Variants in DGKB observed in about 807,000 individuals in gnomAD.
DGKB encodes 90 kDa diacylglycerol kinase.
DGKB carries 67 observed loss-of-function variants against 114.3 expected under a neutral mutation model. That is an observed-to-expected ratio of 0.59 (90% CI 0.48 to 0.72). DGKB has a LOEUF of 0.72. DGKB is among the 30% of genes least tolerant of loss of function. DGKB has a pLI of 0.00. For missense variants in DGKB, 907 were observed against 975.2 expected, an observed-to-expected ratio of 0.93 and a Z score of 0.93; for synonymous variants, 398 against 323.1, an observed-to-expected ratio of 1.23 and a Z score of -2.49.
intron 21 of DGKB, among the ~76,000 whole-genome samples, chr7:14,355,551 G>A (rs796676829): frequency 2.0e-4 from 30 of 152,176 alleles, no homozygotes; most frequent in Admixed American, 4.6e-4. Context: ...GGTTTTTGTC[G>A]TTGGTTCTGT....
intron 19 of DGKB, among the ~76,000 whole-genome samples, chr7:14,580,566 G>A (rs990667397): frequency 3.9e-5 from 6 of 152,064 alleles, no homozygotes; most frequent in Admixed American, 3.9e-4. Flanking sequence ...GCATCCATGT[G>A]TACCTTATTT....
chr7:14,274,238 G>T (rs577782756), intron 23 of DGKB, among the ~76,000 whole-genome samples: 2 of 152,306 alleles, frequency 1.3e-5, no homozygotes, highest in African/African-American at 4.8e-5. Context: ...CTGTACTCAG[G>T]AGATTCCTTG....
At chr7:14,588,253 T>C (rs1801111500) in intron 17 of DGKB, among the ~76,000 whole-genome samples, 2 of 152,142 alleles carry the variant, frequency 1.3e-5, no homozygotes, top group South Asian at 4.1e-4. Context: ...TCTTTGATTT[T>C]AGTCCTTTTT....
At chr7:14,343,157 CCACACACACACACACACA>C (rs3067654) in intron 22 of DGKB, among the ~76,000 whole-genome samples, 13 of 132,850 alleles carry the variant, frequency 9.8e-5, no homozygotes, top group African/African-American at 3.5e-4. Flanking sequence ...GCCTAGCTAT[CCACACACACACACACACA>C]CACACACACA....
chr7:14,636,805 T>C (rs1297509335), intron 13 of DGKB, among the ~76,000 whole-genome samples: 1 of 151,852 alleles, frequency 6.6e-6, no homozygotes, highest in Non-Finnish European at 1.5e-5. Context: ...GAGACAACAA[T>C]TCGAAAAGCC....
chr7:14,797,922 A>G (rs932203885), intron 2 of DGKB, among the ~76,000 whole-genome samples: 1 of 152,178 alleles, frequency 6.6e-6, no homozygotes, highest in African/African-American at 2.4e-5. Flanking sequence ...AATAAGGTAC[A>G]TGGACACCGG....
intron 23 of DGKB, among the ~76,000 whole-genome samples, chr7:14,335,822 T>G (rs2128568111): frequency 6.6e-6 from 1 of 152,288 alleles, no homozygotes; most frequent in South Asian, 2.1e-4. Flanking sequence ...GGCGCAATCA[T>G]AGCTCACTGT....
At chr7:14,842,983 G>C (rs1170091691) in intron 1 of DGKB, among the ~76,000 whole-genome samples, 1 of 152,150 alleles carries the variant, frequency 6.6e-6, no homozygotes, top group Non-Finnish European at 1.5e-5. Flanking sequence ...TGAGGCAGGA[G>C]GATGGAATGA....
intron 13 of DGKB, among the ~76,000 whole-genome samples, chr7:14,638,645 A>T (rs1289402166): frequency 6.6e-6 from 1 of 152,152 alleles, no homozygotes; most frequent in Non-Finnish European, 1.5e-5. Context: ...TGGGGGTGCT[A>T]GTCAATGAGC....
intron 20 of DGKB, among the ~76,000 whole-genome samples, chr7:14,533,436 T>TATATGC (rs2128598984): frequency 6.6e-6 from 1 of 151,966 alleles, no homozygotes; most frequent in African/African-American, 2.4e-5. Flanking sequence ...ATGCATTATA[T>TATATGC]AAGTTTCAAA....
intron 16 of DGKB, among the ~76,000 whole-genome samples, chr7:14,611,733 A>G (rs1390430590): frequency 6.6e-6 from 1 of 151,722 alleles, no homozygotes; most frequent in Non-Finnish European, 1.5e-5. Flanking sequence ...AATTTAGGGA[A>G]AATTATTTAT....
intron 3 of DGKB, 132 bp downstream of exon 3, chr7:14,757,523 A>G: frequency 1.8e-6 from 1 of 557,328 alleles, no homozygotes. Flanking sequence ...CATCTGTATC[A>G]TACATATATA....
chr7:14,411,030 C>T (rs927924920), intron 21 of DGKB, among the ~76,000 whole-genome samples: 26 of 152,122 alleles, frequency 1.7e-4, no homozygotes, highest in Non-Finnish European at 4.4e-5. Flanking sequence ...TAGTGATATG[C>T]AATACCCCTG....
chr7:14,464,956 G>T (rs1156502153), intron 21 of DGKB, among the ~76,000 whole-genome samples: 1 of 152,108 alleles, frequency 6.6e-6, no homozygotes, highest in Non-Finnish European at 1.5e-5. Flanking sequence ...TGCCTTTAAG[G>T]GTGGCTAGGT....
Position 14,178,085 on chromosome 7 carries a change from G to T in DGKB, c.2189C>A (p.Thr730Lys). ...EGAMEMGQIY[T>K]GLKSAGRRLA... ...CCGCCGGCCAGCACTTTTCAGGCCT[G>T]TGTATATTTGCCCCATCTCCATGGC... The change falls in exon 24 of 26, where the codon ACA becomes AAA. Residue 730 changes from threonine to lysine, a missense_variant. Transcript: ENST00000402815. 6.2e-7 allele frequency: 1 copy of T among 1,611,950 alleles called. No homozygotes were observed. Among genetic ancestry groups the T allele is most frequent in the Non-Finnish European group, 8.5e-7 (1 of 1,179,242 alleles).
At chr7:14,539,302 A>G (rs1793035719) in intron 20 of DGKB, among the ~76,000 whole-genome samples, 1 of 152,170 alleles carries the variant, frequency 6.6e-6, no homozygotes, top group African/African-American at 2.4e-5. Flanking sequence ...ATATTTTTGT[A>G]TACCAATTAT....
intron 13 of DGKB, among the ~76,000 whole-genome samples, chr7:14,631,763 CTT>C (rs1809758756): frequency 6.6e-6 from 1 of 152,032 alleles, no homozygotes. Flanking sequence ...TATTATCATT[CTT>C]TCTTAGCTTC....
chr7:14,268,541 CTTCT>C (rs1048189619), intron 23 of DGKB, among the ~76,000 whole-genome samples: 86 of 152,240 alleles, frequency 5.6e-4, no homozygotes, highest in African/African-American at 2.0e-3. Flanking sequence ...ATGAGAAATT[CTTCT>C]TTCATTTGTT....
intron 2 of DGKB, among the ~76,000 whole-genome samples, chr7:14,812,076 A>G (rs1017578929): frequency 6.6e-6 from 1 of 152,278 alleles, no homozygotes; most frequent in African/African-American, 2.4e-5. Flanking sequence ...TTCACTTAGC[A>G]TAAGGTCATC....
Sources: allele counts gnomAD v4.1 joint callset (sites outside exome capture counted in the v4.1 genomes callset), GRCh38; gene constraint gnomAD v4.1.1; transcripts MANE v1.5; gene names NCBI Gene and HGNC (gene_info 2026-07-23, HGNC 2026-07-21).